Variants in SMCHD1 observed in about 807,000 individuals in gnomAD.
SMCHD1 encodes structural maintenance of chromosomes flexible hinge domain containing 1, also known as structural maintenance of chromosomes flexible hinge domain-containing protein 1.
In SMCHD1, 78 loss-of-function variants were observed where a neutral mutation model predicts 254.7. The observed-to-expected ratio is 0.31, with a 90% CI of 0.26 to 0.37. The LOEUF is 0.37. SMCHD1 is among the 10% of genes least tolerant of loss of function. The pLI is 1.00. For synonymous variants in SMCHD1, 766 were observed against 794.9 expected (o/e 0.96, Z 0.61); for missense variants, 1,840 against 2,408.1 (o/e 0.76, Z 4.94).
chr18:2,681,920 TCCC>T (rs2073938885), intron 5 of SMCHD1, among the ~76,000 whole-genome samples: 1 of 152,214 alleles, frequency 6.6e-6, no homozygotes, highest in South Asian at 2.1e-4. Context: ...TAGAAATGGA[TCCC>T]CAACAAGATT....
chr18:2,707,164 TATAAAG>T (rs1292084662), intron 15 of SMCHD1, among the ~76,000 whole-genome samples: 2 of 151,868 alleles, frequency 1.3e-5, no homozygotes, highest in Non-Finnish European at 2.9e-5. Flanking sequence ...ATCAGTGAGT[TATAAAG>T]AAGAAGAAGG....
rs184833863 is a variant in SMCHD1 at position 2,739,394 on chromosome 18, G to A, written c.3426-38G>A. 1.3e-5 allele frequency: 19 copies of A among 1,449,078 alleles called. No homozygotes were observed. In the African/African-American group the frequency reaches 2.7e-4, roughly 20 times the overall value. The allele number at this position is 1,449,078 out of a possible 1,614,324, so 89.8% of individuals were successfully genotyped here. A position where few individuals can be genotyped will look rare whatever the true frequency, so the allele number is the denominator to read the frequency against. On this transcript the variant is annotated intron_variant, in intron 26 of 47. Coordinates refer to ENST00000320876, the MANE Select transcript of SMCHD1 (RefSeq NM_015295.3). ...CATGTTGGAACTACTTCAATTAATG[G>A]TGTCACTAAAGACTTCTAACTTGTT...
chr18:2,773,599 T>TA (rs2076018711), intron 41 of SMCHD1, among the ~76,000 whole-genome samples: 1 of 152,120 alleles, frequency 6.6e-6, no homozygotes, highest in Non-Finnish European at 1.5e-5. Context: ...CTCGCTTCCT[T>TA]AAAAAATACT....
chr18:2,789,113 C>T (rs1187769432), intron 45 of SMCHD1, among the ~76,000 whole-genome samples: 1 of 152,184 alleles, frequency 6.6e-6, no homozygotes, highest in Non-Finnish European at 1.5e-5. Context: ...TTCTAACTTC[C>T]TGGGATCAGG....
intron 40 of SMCHD1, 53 bp from the exon 41 acceptor site, chr18:2,772,197 G>T (rs1344277985): frequency 2.8e-5 from 40 of 1,409,224 alleles, no homozygotes; most frequent in Non-Finnish European, 3.6e-5. Flanking sequence ...ATTATGGGCT[G>T]CCTGGTTCAA....
Position 2,728,589 on chromosome 18 carries a change from A to G in SMCHD1, c.2906A>G (p.His969Arg), listed in dbSNP as rs375900120. 27 of 1,611,590 alleles carry G rather than the reference A, an allele frequency of 1.7e-5. No homozygotes were observed. Among genetic ancestry groups the G allele is most frequent in the Non-Finnish European group, 5.9e-6 (7 of 1,179,004 alleles). The change falls in exon 23 of 48, where the codon CAT becomes CGT. Residue 969 changes from histidine (H) to arginine (R), a missense_variant. Physicochemically the swap from His to Arg is conservative, Grantham distance 29 (BLOSUM62 0). Coordinates refer to ENST00000320876, the MANE Select transcript of SMCHD1 (RefSeq NM_015295.3). ...ACAGCACAACCAAAATTGATTGTTC[A>G]TTGTAAGGTAAGCTTATTGGAAGAT... ...NITAQPKLIVHCKFSGAPNLP... is the reference protein window; with the variant it reads ...NITAQPKLIVRCKFSGAPNLP...
In SMCHD1 at chr18:2,776,547, T is replaced by G. The variant is rs140046918; in HGVS notation, c.5366+623T>G. Among the ~76,000 whole-genome samples, 164 of 152,264 alleles carry G rather than the reference T, an allele frequency of 1.1e-3. 1 individual carries two copies. The highest frequency in any genetic ancestry group is 3.9e-3 in the African/African-American group (160 of 41,548). On this transcript the variant is annotated intron_variant, in intron 42 of 47. Transcript: ENST00000320876. ...TTATATGTACCCTGATTAGGCCTAC[T>G]TTTTAAAATGTACCTAAAGACAGGA...
intron 45 of SMCHD1, among the ~76,000 whole-genome samples, chr18:2,787,380 A>G (rs1287609271): frequency 6.6e-6 from 1 of 152,164 alleles, no homozygotes; most frequent in East Asian, 1.9e-4. Flanking sequence ...GGTGGGGACA[A>G]ACCAACCATA....
At chr18:2,657,632 T>C (rs2073111171) in intron 1 of SMCHD1, among the ~76,000 whole-genome samples, 1 of 152,202 alleles carries the variant, frequency 6.6e-6, no homozygotes, top group Non-Finnish European at 1.5e-5. Context: ...TCAGCCTTCC[T>C]CCTCCTTCCC....
Position 2,683,604 on chromosome 18 carries a change from A to C in SMCHD1, c.639-4790A>C, listed in dbSNP as rs193215135. On this transcript the variant is annotated intron_variant, in intron 5 of 47. Coordinates refer to ENST00000320876, the MANE Select transcript of SMCHD1 (RefSeq NM_015295.3). ...AGGTGTATTTTGCTCTTGTTGGGAG[A>C]AGTGTTCTGAAAATGTCAGTTAGAT... Among the ~76,000 whole-genome samples, 385 of 152,154 alleles carry C rather than the reference A, an allele frequency of 2.5e-3. 1 individual carries two copies. The highest frequency in any genetic ancestry group is 4.6e-3 in the Non-Finnish European group (310 of 67,988).
At chr18:2,792,001 T>C (rs2076175392) in intron 45 of SMCHD1, among the ~76,000 whole-genome samples, 2 of 152,244 alleles carry the variant, frequency 1.3e-5, no homozygotes, top group Non-Finnish European at 2.9e-5. Flanking sequence ...TTCCAAAATA[T>C]TTATTGAATT....
In SMCHD1 at chr18:2,778,160, C is replaced by CT. The variant is rs771167853; in HGVS notation, c.5477-3dup. On this transcript the variant is annotated splice_polypyrimidine_tract_variant and intron_variant, in intron 43 of 47. Transcript: ENST00000320876. ...ATAATTTTCAAAATTCATTTATTGA[C>CT]TTTTTTAGTATTTGGTATGCTGTTA... is the stretch of plus-strand genomic sequence containing the variant. The CT allele has an allele frequency of 1.9e-6, 3 of 1,583,410 alleles. No individual in the cohort carries two copies. In the Admixed American group the frequency reaches 5.3e-5, roughly 28 times the overall value.
rs143861448 is a variant in SMCHD1 at position 2,802,265 on chromosome 18, A to G, written c.5994-263A>G. On this transcript the variant is annotated intron_variant, in intron 47 of 47. Transcript: ENST00000320876. The stretch of plus-strand genomic sequence containing the variant: ...CTGCAGAATTTAGGTCTGAGATAAT[A>G]CCATTTCAAAGCACTGTGATACAAA... Among the ~76,000 whole-genome samples, 3 of 152,288 alleles carry G rather than the reference A, an allele frequency of 2.0e-5. No individual in the cohort carries two copies. The East Asian group carries it at 5.8e-4, about 29-fold the overall frequency.
At chr18:2,759,457 C>T (rs1386428009) in intron 34 of SMCHD1, among the ~76,000 whole-genome samples, 15 of 135,216 alleles carry the variant, frequency 1.1e-4, no homozygotes, top group African/African-American at 4.0e-4. Flanking sequence ...TTATTTTTTA[C>T]TTTAGCTTGT....
chr18:2,693,091 G>C (rs962410001), intron 7 of SMCHD1, among the ~76,000 whole-genome samples: 2 of 152,280 alleles, frequency 1.3e-5, no homozygotes, highest in African/African-American at 4.8e-5. Flanking sequence ...TTTTAAATCA[G>C]AAATTTTAGA....
intron 7 of SMCHD1, among the ~76,000 whole-genome samples, chr18:2,689,853 A>G (rs1347576515): frequency 2.0e-5 from 1 of 50,434 alleles, no homozygotes; most frequent in African/African-American, 8.0e-5. Flanking sequence ...TGTCTCTACT[A>G]AAAAAAAAAA....
In SMCHD1 at chr18:2,705,764, A is replaced by C; in HGVS notation, c.1913A>C (p.Asp638Ala). 1 of 1,609,246 alleles carries C rather than the reference A, an allele frequency of 6.2e-7. No individual in the cohort carries two copies. The highest frequency in any genetic ancestry group is 8.5e-7 in the Non-Finnish European group (1 of 1,176,844). The part of the protein sequence containing the change: ...IVRFFLYGDH[D>A]GEVYATGGEV... ...AGATTTTTTCTTTATGGCGATCATGATGGAGAAGTATATGCTACAGGAGGA... is the reference window on the plus strand; with the variant it reads ...AGATTTTTTCTTTATGGCGATCATGCTGGAGAAGTATATGCTACAGGAGGA... The change falls in exon 14 of 48, where the codon GAT (aspartate) becomes GCT (alanine). Residue 638 changes from aspartate to alanine, a missense_variant. Physicochemically the swap from Asp to Ala is moderately radical, Grantham distance 126. Coordinates refer to ENST00000320876, the MANE Select transcript of SMCHD1 (RefSeq NM_015295.3).
rs934512188 is a variant in SMCHD1, at chr18:2,784,815, T to C, written c.5719+194T>C. On this transcript the variant is annotated intron_variant, in intron 45 of 47. Transcript: ENST00000320876. The stretch of plus-strand genomic sequence containing the variant: ...TTTAGAGTTATGTAAATAGTAGCTT[T>C]ATCCTTTGTATTTTCATTCTTATAT... 7.8e-6 allele frequency: 5 copies of C among 637,920 alleles called. No homozygotes were observed. In the Middle Eastern group the frequency reaches 1.0e-3, roughly 132 times the overall value. The allele number at this position is 637,920 out of a possible 1,614,324, so 39.5% of individuals were successfully genotyped here. A position where few individuals can be genotyped will look rare whatever the true frequency, so the allele number is the denominator to read the frequency against.
intron 7 of SMCHD1, among the ~76,000 whole-genome samples, chr18:2,691,473 G>A (rs2074178264): frequency 6.6e-6 from 1 of 152,118 alleles, no homozygotes; most frequent in Admixed American, 6.5e-5. Flanking sequence ...TGGAATTGGT[G>A]GTTCTTGTTC....
Sources: allele counts gnomAD v4.1 joint callset (sites outside exome capture counted in the v4.1 genomes callset), GRCh38; gene constraint gnomAD v4.1.1; transcripts MANE v1.5; gene names NCBI Gene and HGNC (gene_info 2026-07-23, HGNC 2026-07-21).